The following PSMD14 variants were observed in gnomAD, a reference collection of about 807,000 sequenced individuals.
PSMD14 encodes ubiquitin C-terminal hydrolase PSMD14.
In PSMD14, 7 loss-of-function variants were observed where a neutral mutation model predicts 41.2. The observed-to-expected ratio is 0.17, with a 90% CI of 0.10 to 0.32. The LOEUF (loss-of-function observed/expected upper bound fraction) is 0.32, where lower values mean the gene tolerates loss of function less well. Ranked by LOEUF, PSMD14 falls within the 10% of genes least tolerant of loss-of-function variation. The probability of loss-of-function intolerance (pLI) is 1.00; values close to 1 mark genes in which losing one functional copy is unlikely to be tolerated. For synonymous variants in PSMD14, 114 were observed against 122.3 expected, an observed-to-expected ratio of 0.93 and a Z score of 0.45; for missense variants, 139 against 375.6, an observed-to-expected ratio of 0.37 and a Z score of 5.21.
intron 3 of PSMD14, among the ~76,000 whole-genome samples, chr2:161,332,894 T>A (rs879409612): frequency 2.0e-5 from 3 of 152,212 alleles, no homozygotes; most frequent in Non-Finnish European, 4.4e-5. Flanking sequence ...GCTCATTGCT[T>A]ATGGGCCATG....
chr2:161,361,383 A>G (rs998135065), intron 3 of PSMD14, among the ~76,000 whole-genome samples: 5 of 152,210 alleles, frequency 3.3e-5, no homozygotes, highest in African/African-American at 9.6e-5. Flanking sequence ...AAAGATTATA[A>G]CAATTAGCCA....
At chr2:161,320,451 C>T (rs1574113974) in intron 3 of PSMD14, among the ~76,000 whole-genome samples, 2 of 152,078 alleles carry the variant, frequency 1.3e-5, no homozygotes, top group East Asian at 3.9e-4. Flanking sequence ...TCTGATTAAT[C>T]AGCCATTGTG....
intron 11 of PSMD14, among the ~76,000 whole-genome samples, chr2:161,410,828 G>A (rs1196904538): frequency 6.6e-6 from 1 of 151,950 alleles, no homozygotes; most frequent in Non-Finnish European, 1.5e-5. Context: ...ACAGAATTCT[G>A]ATTTTTGCTA....
chr2:161,347,466 T>C (rs1683061154), intron 3 of PSMD14, among the ~76,000 whole-genome samples: 1 of 152,170 alleles, frequency 6.6e-6, no homozygotes, highest in Non-Finnish European at 1.5e-5. Context: ...GGGAAAAATT[T>C]GTGTTGGAAT....
chr2:161,317,972 A>G (rs1343415744), intron 2 of PSMD14, among the ~76,000 whole-genome samples: 1 of 152,078 alleles, frequency 6.6e-6, no homozygotes, highest in East Asian at 1.9e-4. Context: ...TCTTTTTGTT[A>G]TTTAAGGCCA....
At chr2:161,358,753 G>T (rs543319622) in intron 3 of PSMD14, among the ~76,000 whole-genome samples, 72 of 152,212 alleles carry the variant, frequency 4.7e-4, no homozygotes, top group African/African-American at 1.7e-3. Context: ...GACCAGTCTG[G>T]CCAACATGGT....
chr2:161,341,996 G>A (rs192436622), intron 3 of PSMD14, among the ~76,000 whole-genome samples: 1,762 of 151,272 alleles, frequency 0.012, 27 homozygotes, highest in Non-Finnish European at 0.014. Flanking sequence ...TTTAAATGTC[G>A]CATTTTTGTT....
intron 7 of PSMD14, chr2:161,383,032 G>A (rs970374225): frequency 2.0e-5 from 3 of 150,654 alleles, no homozygotes; most frequent in Non-Finnish European, 4.4e-5. Flanking sequence ...ACACCATCGA[G>A]TGCTCACTAG....
At chr2:161,349,163 T>G (rs1683084451) in intron 3 of PSMD14, among the ~76,000 whole-genome samples, 1 of 152,248 alleles carries the variant, frequency 6.6e-6, no homozygotes, top group African/African-American at 2.4e-5. Context: ...AAACTGCAAT[T>G]ACTTTTGCAT....
At chr2:161,349,423 G>C (rs551524730) in intron 3 of PSMD14, among the ~76,000 whole-genome samples, 1 of 152,148 alleles carries the variant, frequency 6.6e-6, no homozygotes, top group Non-Finnish European at 1.5e-5. Context: ...AAAAATAAAA[G>C]CTAAAACTGC....
chr2:161,315,089 A>G (rs1689132704), intron 1 of PSMD14, among the ~76,000 whole-genome samples: 2 of 152,212 alleles, frequency 1.3e-5, no homozygotes, highest in Admixed American at 1.3e-4. Context: ...GTGGTTCTCA[A>G]TTGAGAGTGA....
chr2:161,315,688 A>G (rs2105229264), intron 1 of PSMD14, among the ~76,000 whole-genome samples: 1 of 152,214 alleles, frequency 6.6e-6, no homozygotes, highest in South Asian at 2.1e-4. Context: ...TCCTAGTATG[A>G]TAAAATAGCA....
intron 1 of PSMD14, among the ~76,000 whole-genome samples, chr2:161,315,866 C>T (rs1262615370): frequency 2.2e-5 from 3 of 135,400 alleles, no homozygotes; most frequent in Non-Finnish European, 4.6e-5. Context: ...TTTTTGAGAC[C>T]GAGTTTCACT....
intron 3 of PSMD14, among the ~76,000 whole-genome samples, chr2:161,342,976 A>G (rs1031934208): frequency 3.3e-5 from 5 of 152,210 alleles, no homozygotes; most frequent in African/African-American, 1.2e-4. Flanking sequence ...AATATACTCC[A>G]TATATGCTCT....
chr2:161,316,026 TAG>T (rs1381298965), intron 1 of PSMD14, among the ~76,000 whole-genome samples: 2 of 152,118 alleles, frequency 1.3e-5, no homozygotes, highest in Non-Finnish European at 2.9e-5. Context: ...GTATTTTTAG[TAG>T]ACACAGTGTT....
chr2:161,343,229 A>C (rs1378536912), intron 3 of PSMD14, among the ~76,000 whole-genome samples: 1 of 151,440 alleles, frequency 6.6e-6, no homozygotes, highest in Non-Finnish European at 1.5e-5. Context: ...TTCATCTTCC[A>C]CCCCCTCATC....
At chr2:161,317,356 T>C (rs2105230100) in intron 2 of PSMD14, among the ~76,000 whole-genome samples, 1 of 152,312 alleles carries the variant, frequency 6.6e-6, no homozygotes, top group African/African-American at 2.4e-5. Flanking sequence ...ATAAACATGT[T>C]ACATGAAACA....
intron 2 of PSMD14, 55 bp from the exon 3 acceptor site, chr2:161,318,767 A>G (rs1689172125): frequency 7.1e-7 from 1 of 1,405,762 alleles, no homozygotes; most frequent in African/African-American, 1.4e-5. Flanking sequence ...ATAGATAGCA[A>G]TTGAATAAAC....
intron 3 of PSMD14, among the ~76,000 whole-genome samples, chr2:161,341,887 A>T (rs1040259892): frequency 4.0e-5 from 6 of 149,248 alleles, no homozygotes; most frequent in African/African-American, 9.8e-5. Context: ...TGTATATATA[A>T]ATTTGTGTTA....
Sources: allele counts gnomAD v4.1 joint callset (sites outside exome capture counted in the v4.1 genomes callset), GRCh38; gene constraint gnomAD v4.1.1; transcripts MANE v1.5; gene names NCBI Gene and HGNC (gene_info 2026-07-23, HGNC 2026-07-21).